GNL3L: variants seen among roughly 807,000 people sequenced by gnomAD.
GNL3L encodes the protein G protein nucleolar 3 like.
GNL3L carries 4 observed loss-of-function variants against 42.9 expected under a neutral mutation model. The observed-to-expected ratio is 0.09, with a 90% CI of 0.05 to 0.21. GNL3L has a LOEUF of 0.21. Among genes scored for constraint, GNL3L ranks in the 10% least tolerant of loss-of-function variants. The pLI is 1.00. For synonymous variants in GNL3L, 159 were observed against 176.3 expected, an observed-to-expected ratio of 0.90 and a Z score of 0.78; for missense variants, 412 against 481.7, an observed-to-expected ratio of 0.86 and a Z score of 1.36.
At chrX:54,605,376 A>T (rs1224155002) in intron 16 of GNL3L, among the ~76,000 whole-genome samples, 2 of 111,328 alleles carry the variant, frequency 1.8e-5, no homozygotes, top group Non-Finnish European at 3.8e-5. Flanking sequence ...AATCCTGACC[A>T]CTTCTCCAGT....
intron 9 of GNL3L, 44 bp downstream of exon 9, chrX:54,548,417 A>G (rs376329800): frequency 4.5e-5 from 48 of 1,073,418 alleles, no homozygotes; most frequent in Middle Eastern, 2.5e-4. Flanking sequence ...TTCTTTCTTG[A>G]GCGGACACTT....
At position 54,563,856 on chromosome X, in the gene GNL3L, G is replaced by GCTTT. The variant is rs944771653; in HGVS notation, c.*3254_*3255insCTTT. ...TTCTCTACCTACAGCATATCTCAAA[G>GCTTT]GTTTTTTTTAAAAAAGTATTTTCTT... On this transcript the variant is annotated 3_prime_UTR_variant, in exon 16 of 16. Transcript: ENST00000360845. Among the ~76,000 whole-genome samples the GCTTT allele has an allele frequency of 3.6e-5, 4 of 111,282 alleles. No homozygotes were observed. The highest frequency in any genetic ancestry group is 7.5e-5 in the Non-Finnish European group (4 of 53,070).
rs1190262173 is a variant in GNL3L, at chrX:54,564,645, A to G, written c.*4043A>G. On this transcript the variant is annotated 3_prime_UTR_variant, in exon 16 of 16. Coordinates refer to ENST00000360845, the MANE Select transcript of GNL3L (RefSeq NM_001184819.2). ...CTGGTCTCGAACTCCTGACCTCATG[A>G]TCCTCCTGCCTCAGCCTCCCAAAGT... Among the ~76,000 whole-genome samples, 2 of 104,367 alleles carry G rather than the reference A, an allele frequency of 1.9e-5. No individual in the cohort carries two copies. Among genetic ancestry groups the G allele is most frequent in the African/African-American group, 7.1e-5 (2 of 28,303 alleles). The allele number at this position is 104,367 out of a possible 115,157, so 90.6% of individuals were successfully genotyped here.
chrX:54,628,962 T>G, the GNL3L span, among the ~76,000 whole-genome samples: 10 of 106,507 alleles, frequency 9.4e-5, no homozygotes, highest in Admixed American at 3.1e-4. Context: ...TAATTAAATA[T>G]AAAATATAAT....
Position 54,574,597 on chromosome X carries a change from T to G in GNL3L, c.*45+13950T>G, listed in dbSNP as rs1427965603. ...GGTATATTTGTATATAGTTTTCTTG[T>G]GATGTCTCTGTCTGTTTTTGGTATC... is the stretch of plus-strand genomic sequence containing the variant. On this transcript the variant is annotated intron_variant, in intron 16 of 16. Coordinates refer to the GNL3L transcript ENST00000674498. Among the ~76,000 whole-genome samples the G allele has an allele frequency of 5.3e-5, 6 of 112,421 alleles. No homozygotes were observed. The East Asian group carries it at 1.7e-3, about 31-fold the overall frequency.
At chrX:54,546,843 A>G (rs1297338846) in intron 8 of GNL3L, among the ~76,000 whole-genome samples, 1 of 108,286 alleles carries the variant, frequency 9.2e-6, no homozygotes, top group Non-Finnish European at 1.9e-5. Context: ...ACAGGGTTTC[A>G]CCATGTTGGT....
the GNL3L span, among the ~76,000 whole-genome samples, chrX:54,638,785 A>T: frequency 1.8e-5 from 2 of 112,109 alleles, no homozygotes; most frequent in East Asian, 5.6e-4. Context: ...AAGTTTATCA[A>T]CCATCTCCTG....
intron 16 of GNL3L, among the ~76,000 whole-genome samples, chrX:54,582,520 T>G (rs1569542428): frequency 8.9e-6 from 1 of 112,363 alleles, no homozygotes; most frequent in Non-Finnish European, 1.9e-5. Context: ...GTGTTGTCAT[T>G]AGTTTTTATT....
At chrX:54,600,061 T>C (rs1434805148) in intron 16 of GNL3L, among the ~76,000 whole-genome samples, 1 of 109,915 alleles carries the variant, frequency 9.1e-6, no homozygotes, top group Non-Finnish European at 1.9e-5. Context: ...AAAATCTCTG[T>C]TATCTTGGTG....
chrX:54,589,108 A>G (rs751026378), intron 16 of GNL3L, among the ~76,000 whole-genome samples: 2 of 111,602 alleles, frequency 1.8e-5, no homozygotes, highest in Non-Finnish European at 3.8e-5. Context: ...TGTGAAATGA[A>G]CACATCATGG....
chrX:54,587,922 C>T (rs1925808913), intron 16 of GNL3L, among the ~76,000 whole-genome samples: 1 of 111,779 alleles, frequency 8.9e-6, no homozygotes, highest in African/African-American at 3.3e-5. Flanking sequence ...CTCAGGTGAT[C>T]CTTCTGCCTC....
At chrX:54,623,660 G>A (rs1258637793), downstream of GNL3L, among the ~76,000 whole-genome samples, 17 of 111,822 alleles carry the variant, frequency 1.5e-4, no homozygotes, top group Admixed American at 1.6e-3. Context: ...CCATTAACAT[G>A]GGACTTGTCT....
At chrX:54,547,827 G>A (rs1334083656) in intron 8 of GNL3L, among the ~76,000 whole-genome samples, 1 of 112,090 alleles carries the variant, frequency 8.9e-6, no homozygotes, top group African/African-American at 3.2e-5. Flanking sequence ...TGTGGGCCAG[G>A]CTCCCTCTCA....
At chrX:54,607,061 T>C (rs1926087997) in intron 16 of GNL3L, among the ~76,000 whole-genome samples, 2 of 48,429 alleles carry the variant, frequency 4.1e-5, no homozygotes, top group Admixed American at 2.1e-4. Context: ...TCTTTCTTTC[T>C]TTCTTTCTTT....
Position 54,561,071 on chromosome X carries a change from CAAAAAAAAAAAAA to C in GNL3L, c.*479_*491del, listed in dbSNP as rs55797984. The C allele has an allele frequency of 1.9e-5, 1 of 51,715 alleles. No individual in the cohort carries two copies. Among genetic ancestry groups the C allele is most frequent in the Non-Finnish European group, 3.7e-5 (1 of 27,020 alleles). 4.3% of individuals were successfully genotyped at this position (51,715 alleles called of 1,213,427 possible). A position where few individuals can be genotyped will look rare whatever the true frequency, so the allele number is the denominator to read the frequency against. On this transcript the variant is annotated 3_prime_UTR_variant, in exon 16 of 16. Transcript: ENST00000360845. ...TGGGCAACAACACGAAACTCCGTCC[CAAAAAAAAAAAAA>C]AAAAAAAAATCCCAAGGGGCTGCAG...
At chrX:54,536,701 C>T (rs1924435450) in intron 2 of GNL3L, among the ~76,000 whole-genome samples, 1 of 104,603 alleles carries the variant, frequency 9.6e-6, no homozygotes, top group African/African-American at 3.6e-5. Context: ...AGGAGATTTC[C>T]TTGAACCTGG....
chrX:54,632,637 T>G, the GNL3L span, among the ~76,000 whole-genome samples: 1 of 111,765 alleles, frequency 8.9e-6, no homozygotes, highest in East Asian at 2.8e-4. Context: ...ATTTATGCTG[T>G]CTATTTCTCT....
chrX:54,597,292 G>C (rs1370644741), intron 16 of GNL3L, among the ~76,000 whole-genome samples: 1 of 111,237 alleles, frequency 9.0e-6, no homozygotes, highest in African/African-American at 3.3e-5. Context: ...TCTCTTCAAG[G>C]CAGTGGCTTC....
Position 54,551,556 on chromosome X carries a change from TCC to T in GNL3L, c.864-9_864-8del. On this transcript the variant is annotated splice_polypyrimidine_tract_variant and intron_variant, in intron 10 of 15. Coordinates refer to ENST00000360845, the MANE Select transcript of GNL3L (RefSeq NM_001184819.2). Reference sequence around the variant, plus strand: ...GCCAGGTACATCTGGGCTTTCTTCTTCCCCGCCCCAGATTCATGCAGGAGGTC... The same window carrying T: ...GCCAGGTACATCTGGGCTTTCTTCTTCCGCCCCAGATTCATGCAGGAGGTC... 1 of 1,203,947 alleles carries T rather than the reference TCC, an allele frequency of 8.3e-7. No homozygotes were observed. The highest frequency in any genetic ancestry group is 1.1e-6 in the Non-Finnish European group (1 of 889,674).
Sources: gnomAD v4.1 joint callset for allele counts (sites outside exome capture counted in the v4.1 genomes callset) on GRCh38, gnomAD v4.1.1 for gene constraint, MANE v1.5 for transcripts, NCBI Gene and HGNC (gene_info 2026-07-23, HGNC 2026-07-21) for gene names.